DNAJC27: variants seen among roughly 807,000 people sequenced by gnomAD.
The protein encoded by DNAJC27 is DnaJ heat shock protein family (Hsp40) member C27, also known as dnaJ homolog subfamily C member 27.
In DNAJC27, 25 loss-of-function variants were observed where a neutral mutation model predicts 31.4. The observed-to-expected ratio is 0.80, with a 90% CI of 0.58 to 1.11. DNAJC27 has a LOEUF of 1.11. Ranked by LOEUF, DNAJC27 falls within the 50% of genes most tolerant of loss-of-function variation. DNAJC27 has a pLI of 0.00. For missense variants in DNAJC27, 356 were observed against 347.3 expected, an observed-to-expected ratio of 1.02 and a Z score of -0.20; for synonymous variants, 106 against 112.7, an observed-to-expected ratio of 0.94 and a Z score of 0.37.
chr2:24,950,961 C>T (rs927975960), intron 6 of DNAJC27, among the ~76,000 whole-genome samples: 6 of 152,092 alleles, frequency 3.9e-5, no homozygotes, highest in African/African-American at 1.2e-4. Flanking sequence ...GGGTAAGAAC[C>T]AATTATACCA....
At chr2:24,954,158 G>A (rs537426558) in intron 5 of DNAJC27, among the ~76,000 whole-genome samples, 6 of 152,260 alleles carry the variant, frequency 3.9e-5, no homozygotes, top group East Asian at 3.9e-4. Flanking sequence ...AAGTCCATAT[G>A]GGGGTCTCTC....
chr2:24,961,208 G>A (rs1666031769), intron 3 of DNAJC27, among the ~76,000 whole-genome samples: 1 of 152,134 alleles, frequency 6.6e-6, no homozygotes. Flanking sequence ...TCTATAAATG[G>A]AACAGCAAGG....
chr2:24,964,246 C>T (rs2384063), intron 2 of DNAJC27, among the ~76,000 whole-genome samples: 112,555 of 151,476 alleles, frequency 0.74, 42,123 homozygotes, highest in Middle Eastern at 0.85. Context: ...TAGTGAAACC[C>T]CGTCCCTACT....
In DNAJC27 at chr2:24,954,570, T is replaced by C. The variant is rs565318471; in HGVS notation, c.528+2473A>G. On this transcript the variant is annotated intron_variant, in intron 5 of 6. Transcript: ENST00000264711. Reference sequence around the variant, plus strand: ...GGGCAAAAAAACAAGCCAACACAAGTTCACTGTAATTTGCCAATAATTAAA... The same window carrying C: ...GGGCAAAAAAACAAGCCAACACAAGCTCACTGTAATTTGCCAATAATTAAA... Among the ~76,000 whole-genome samples, 187 of 152,218 alleles carry C rather than the reference T, an allele frequency of 1.2e-3. 1 individual carries two copies. Among genetic ancestry groups the C allele is most frequent in the African/African-American group, 4.3e-3 (180 of 41,536 alleles).
intron 3 of DNAJC27, among the ~76,000 whole-genome samples, chr2:24,962,547 C>T (rs1666076116): frequency 6.6e-6 from 1 of 152,128 alleles, no homozygotes; most frequent in African/African-American, 2.4e-5. Flanking sequence ...TGAGCTACTG[C>T]TCCCGGCCTG....
chr2:24,962,208 C>T (rs1339299984), intron 3 of DNAJC27, among the ~76,000 whole-genome samples: 1 of 65,106 alleles, frequency 1.5e-5, no homozygotes, highest in African/African-American at 4.5e-5. Context: ...AAACAACATA[C>T]TTTTTTTCTT....
At chr2:24,971,028 C>T (rs917952424) in intron 1 of DNAJC27, among the ~76,000 whole-genome samples, 1 of 152,184 alleles carries the variant, frequency 6.6e-6, no homozygotes, top group Non-Finnish European at 1.5e-5. Flanking sequence ...TCTAATCTTT[C>T]CTCGGTCACT....
At chr2:24,963,339 A>C (rs1666094938) in intron 3 of DNAJC27, 66 bp downstream of exon 3, 2 of 1,328,318 alleles carry the variant, frequency 1.5e-6, no homozygotes, top group Admixed American at 3.6e-5. Flanking sequence ...GTTTCATATA[A>C]TTCTGGATCT....
chr2:24,965,545 C>T (rs568399195), intron 2 of DNAJC27, among the ~76,000 whole-genome samples: 13 of 152,260 alleles, frequency 8.5e-5, no homozygotes, highest in Admixed American at 5.2e-4. Context: ...CATGAGCCAC[C>T]GTGCCAAGCC....
At chr2:24,958,939 T>C (rs1478606444) in intron 3 of DNAJC27, among the ~76,000 whole-genome samples, 14 of 152,198 alleles carry the variant, frequency 9.2e-5, no homozygotes, top group Admixed American at 9.2e-4. Context: ...ACACAAGCTA[T>C]GTAGTAAGAA....
chr2:24,967,358 A>G, intron 1 of DNAJC27, 65 bp from the exon 2 acceptor site: 1 of 1,159,126 alleles, frequency 8.6e-7, no homozygotes, highest in Non-Finnish European at 1.3e-6. Context: ...GAATAAGTAT[A>G]TTTCTTCATT....
At chr2:24,956,934 G>A (rs1665917363) in intron 5 of DNAJC27, 109 bp downstream of exon 5, 1 of 1,302,338 alleles carries the variant, frequency 7.7e-7, no homozygotes. Context: ...AAAAGAAAGA[G>A]CTTATTCTAA....
At position 24,944,499 on chromosome 2, in the gene DNAJC27, G is replaced by C. The variant is rs947445453; in HGVS notation, c.*3117C>G. The C allele has an allele frequency of 7.2e-5, 11 of 152,440 alleles. No individual in the cohort carries two copies. Among genetic ancestry groups the C allele is most frequent in the Admixed American group, 2.0e-4 (3 of 15,256 alleles). The allele number at this position is 152,440 out of a possible 1,614,324, so 9.4% of individuals were successfully genotyped here. A position where few individuals can be genotyped will look rare whatever the true frequency, so the allele number is the denominator to read the frequency against. On this transcript the variant is annotated 3_prime_UTR_variant, in exon 7 of 7. Transcript: ENST00000264711. Reference sequence around the variant, plus strand: ...TTAGGTACTAGTTTATAGGTATAAAGAAATAGTTACTTAGTTGAGAATTCA... The same window carrying C: ...TTAGGTACTAGTTTATAGGTATAAACAAATAGTTACTTAGTTGAGAATTCA...
Position 24,947,619 on chromosome 2 carries a change from C to T in DNAJC27, c.819G>A (p.Lys273=). 3 of 1,602,724 alleles carry T rather than the reference C, an allele frequency of 1.9e-6. No individual in the cohort carries two copies. Among genetic ancestry groups the T allele is most frequent in the Non-Finnish European group, 1.7e-6 (2 of 1,171,162 alleles). ...NARTALLKNI[K] The stretch of plus-strand genomic sequence containing the variant: ...ATGTGGCTTTTTTCTGTACTTTCTA[C>T]TTGATGTTTTTCAGGAGGGCTGTCC... Residue 273 remains lysine (K), a synonymous_variant, in exon 7 of 7, where the codon AAG becomes AAA. Coordinates refer to ENST00000264711, the MANE Select transcript of DNAJC27 (RefSeq NM_016544.3).
chr2:24,969,464 CATCATCACAGTGAAAAAAAATTTTTT>C, intron 1 of DNAJC27: 1 of 181,926 alleles, frequency 5.5e-6, no homozygotes, highest in Non-Finnish European at 1.2e-5. Context: ...GTTGAAAAAC[CATCATCACAGTGAAAAAAAATTTTTT>C]TTTTCTTTTT....
At chr2:24,962,541 C>T (rs1180975003) in intron 3 of DNAJC27, among the ~76,000 whole-genome samples, 1 of 152,152 alleles carries the variant, frequency 6.6e-6, no homozygotes, top group Non-Finnish European at 1.5e-5. Context: ...CAGACGTGAG[C>T]TACTGCTCCC....
intron 2 of DNAJC27, 48 bp from the exon 3 acceptor site, chr2:24,963,522 C>T: frequency 6.8e-7 from 1 of 1,469,960 alleles, no homozygotes; most frequent in Non-Finnish European, 9.5e-7. Context: ...ATGGTTTCTC[C>T]ATTTACCTTA....
At chr2:24,959,240 T>C (rs1665983255) in intron 3 of DNAJC27, among the ~76,000 whole-genome samples, 1 of 152,108 alleles carries the variant, frequency 6.6e-6, no homozygotes, top group Non-Finnish European at 1.5e-5. Flanking sequence ...AAATTCTCTT[T>C]CACCAACTCC....
At chr2:24,967,748 A>C (rs1030725617) in intron 1 of DNAJC27, among the ~76,000 whole-genome samples, 1 of 151,768 alleles carries the variant, frequency 6.6e-6, no homozygotes, top group Non-Finnish European at 1.5e-5. Context: ...ACAAGTGTTA[A>C]AAGATTTTAA....
Sources: allele counts gnomAD v4.1 joint callset (sites outside exome capture counted in the v4.1 genomes callset), GRCh38; gene constraint gnomAD v4.1.1; transcripts MANE v1.5; gene names NCBI Gene and HGNC (gene_info 2026-07-23, HGNC 2026-07-21).